The following FNDC3B variants were observed in gnomAD, a reference collection of about 807,000 sequenced individuals.
FNDC3B encodes fibronectin type III domain-containing protein 3B.
FNDC3B carries 12 observed loss-of-function variants against 151.5 expected under a neutral mutation model. The observed-to-expected ratio is 0.08, with a 90% CI of 0.05 to 0.13. The LOEUF (loss-of-function observed/expected upper bound fraction) is 0.13. FNDC3B is among the 10% of genes least tolerant of loss of function. FNDC3B has a pLI of 1.00. For missense variants in FNDC3B, 1,214 were observed against 1,505.3 expected (o/e 0.81, Z 3.20); for synonymous variants, 528 against 549.0 (o/e 0.96, Z 0.54).
At chr3:172,166,351 G>GT in intron 3 of FNDC3B, among the ~76,000 whole-genome samples, 1 of 152,324 alleles carries the variant, frequency 6.6e-6, no homozygotes, top group African/African-American at 2.4e-5. Flanking sequence ...AAATGAATGA[G>GT]TGATTATTCG....
intron 25 of FNDC3B, among the ~76,000 whole-genome samples, chr3:172,387,700 A>G (rs1233315253): frequency 6.6e-6 from 1 of 152,200 alleles, no homozygotes; most frequent in African/African-American, 2.4e-5. Flanking sequence ...AAATGAACTG[A>G]TAGTCACTTT....
chr3:172,289,236 G>GC (rs1730188240), intron 7 of FNDC3B, among the ~76,000 whole-genome samples: 1 of 152,142 alleles, frequency 6.6e-6, no homozygotes, highest in Admixed American at 6.5e-5. Flanking sequence ...TGCAAAGTCA[G>GC]CAGCCATATT....
chr3:172,205,726 A>C (rs1725390198), intron 3 of FNDC3B, among the ~76,000 whole-genome samples: 1 of 152,276 alleles, frequency 6.6e-6, no homozygotes, highest in African/African-American at 2.4e-5. Context: ...GAAGGTCATC[A>C]AAATCTAAGT....
At chr3:172,337,449 T>A (rs746587581) in intron 16 of FNDC3B, 48 bp downstream of exon 16, 15 of 1,146,134 alleles carry the variant, frequency 1.3e-5, no homozygotes, top group Non-Finnish European at 2.0e-5. Flanking sequence ...GCAAGCTCTG[T>A]TTTCTAATAT....
At chr3:172,168,007 T>C (rs1265490392) in intron 3 of FNDC3B, among the ~76,000 whole-genome samples, 1 of 152,216 alleles carries the variant, frequency 6.6e-6, no homozygotes, top group Non-Finnish European at 1.5e-5. Context: ...AGTGGACATA[T>C]TCCAGTGGTG....
intron 3 of FNDC3B, among the ~76,000 whole-genome samples, chr3:172,194,823 G>A (rs1157413423): frequency 6.6e-6 from 1 of 152,092 alleles, no homozygotes; most frequent in African/African-American, 2.4e-5. Flanking sequence ...CTCAACTCTG[G>A]TGGGTAACCT....
Position 172,199,260 on chromosome 3 carries a change from G to A in FNDC3B, c.188-27611G>A, listed in dbSNP as rs1217844464. On this transcript the variant is annotated intron_variant, in intron 3 of 25. Transcript: ENST00000415807. ...AGTGGCGCGATCTCGGCTCTCTGCAGGCTCCGCCTCCCGGGTTCACGCCAT... is the reference window on the plus strand; with the variant it reads ...AGTGGCGCGATCTCGGCTCTCTGCAAGCTCCGCCTCCCGGGTTCACGCCAT... Among the ~76,000 whole-genome samples, 14 of 151,152 alleles carry A rather than the reference G, an allele frequency of 9.3e-5. No individual in the cohort carries two copies. In the South Asian group the frequency reaches 1.7e-3, roughly 18 times the overall value.
intron 11 of FNDC3B, among the ~76,000 whole-genome samples, chr3:172,314,317 G>A (rs1731669938): frequency 6.6e-6 from 1 of 152,066 alleles, no homozygotes; most frequent in East Asian, 1.9e-4. Flanking sequence ...AACTTAGATT[G>A]CAGAAAGTTT....
In FNDC3B at chr3:172,143,908, A is replaced by AAAATAAATAAAT. The variant is rs60080346; in HGVS notation, c.187+10396_187+10407dup. 4.0e-3 allele frequency among the ~76,000 whole-genome samples: 565 copies of AAAATAAATAAAT among 142,036 alleles called. 2 individuals are homozygous for AAAATAAATAAAT. Among genetic ancestry groups the AAAATAAATAAAT allele is most frequent in the South Asian group, 7.7e-3 (33 of 4,296 alleles). The allele number at this position is 142,036 out of a possible 152,430, so 93.2% of individuals were successfully genotyped here. On this transcript the variant is annotated intron_variant, in intron 3 of 25. Coordinates refer to ENST00000415807, the MANE Select transcript of FNDC3B (RefSeq NM_022763.4). ...TGGTGACAGAGTGAGCCTCCATCTC[A>AAAATAAATAAAT]AAATAAATAAATAAATAAATAAATA...
At chr3:172,105,677 T>A (rs1719612322) in intron 1 of FNDC3B, among the ~76,000 whole-genome samples, 1 of 151,030 alleles carries the variant, frequency 6.6e-6, no homozygotes, top group Non-Finnish European at 1.5e-5. Flanking sequence ...GGCCTCGAAC[T>A]TCGGAGCTCA....
chr3:172,112,677 T>C, intron 2 of FNDC3B, 87 bp downstream of exon 2: 5 of 944,962 alleles, frequency 5.3e-6, no homozygotes, highest in South Asian at 2.6e-5. Flanking sequence ...GATTCAAAGG[T>C]TTGTGATTTC....
intron 3 of FNDC3B, among the ~76,000 whole-genome samples, chr3:172,137,067 A>T (rs1436295833): frequency 2.6e-5 from 4 of 152,162 alleles, no homozygotes. Context: ...TTTTGAAGTC[A>T]TACCCATTGA....
At position 172,335,095 on chromosome 3, in the gene FNDC3B, G is replaced by C; in HGVS notation, c.1780+13G>C. On this transcript the variant is annotated intron_variant, in intron 15 of 25. Coordinates refer to ENST00000415807, the MANE Select transcript of FNDC3B (RefSeq NM_022763.4). ...AGTGTCAAATGGGGTATGTTTTGCT[G>C]CTGCTGCTACTGTTTTTTTTTTTTT... 6.5e-7 allele frequency: 1 copy of C among 1,535,264 alleles called. No individual in the cohort carries two copies. The highest frequency in any genetic ancestry group is 8.7e-7 in the Non-Finnish European group (1 of 1,146,272).
chr3:172,176,538 C>T (rs1227397002), intron 3 of FNDC3B, among the ~76,000 whole-genome samples: 1 of 152,142 alleles, frequency 6.6e-6, no homozygotes, highest in Non-Finnish European at 1.5e-5. Context: ...CTGCAGATTT[C>T]ATGTACAGGA....
chr3:172,192,455 G>T (rs936362559), intron 3 of FNDC3B, among the ~76,000 whole-genome samples: 1 of 152,010 alleles, frequency 6.6e-6, no homozygotes, highest in African/African-American at 2.4e-5. Context: ...AAAGTGCTAG[G>T]ATTACAGGTG....
Position 172,188,556 on chromosome 3 carries a change from C to T in FNDC3B, c.188-38315C>T, listed in dbSNP as rs554091902. 5.9e-5 allele frequency among the ~76,000 whole-genome samples: 9 copies of T among 152,192 alleles called. No individual in the cohort carries two copies. In the South Asian group the frequency reaches 1.7e-3, roughly 28 times the overall value. On this transcript the variant is annotated intron_variant, in intron 3 of 25. Transcript: ENST00000415807. Reference sequence around the variant, plus strand: ...GAGTAGCTGGGACTTCAGGCGGGTGCCACCACGCCCGGCTAATTTTTTGTA... The same window carrying T: ...GAGTAGCTGGGACTTCAGGCGGGTGTCACCACGCCCGGCTAATTTTTTGTA...
intron 1 of FNDC3B, among the ~76,000 whole-genome samples, chr3:172,097,715 G>A (rs1441774819): frequency 6.6e-6 from 1 of 152,054 alleles, no homozygotes; most frequent in Non-Finnish European, 1.5e-5. Context: ...TGTGTAAATT[G>A]CACTAAGCAT....
intron 1 of FNDC3B, among the ~76,000 whole-genome samples, chr3:172,063,439 C>T (rs542095017): frequency 6.6e-6 from 1 of 152,178 alleles, no homozygotes; most frequent in Non-Finnish European, 1.5e-5. Context: ...ATTCTGTCAA[C>T]GTTTACTTCT....
At chr3:172,330,438 T>A in intron 12 of FNDC3B, 103 bp from the exon 13 acceptor site, 2 of 1,011,548 alleles carry the variant, frequency 2.0e-6, no homozygotes, top group Non-Finnish European at 1.5e-6. Flanking sequence ...TTACTCTACC[T>A]GCTAGGCTGA....
Sources: gnomAD v4.1 joint callset for allele counts (sites outside exome capture counted in the v4.1 genomes callset) on GRCh38, gnomAD v4.1.1 for gene constraint, MANE v1.5 for transcripts, NCBI Gene and HGNC (gene_info 2026-07-23, HGNC 2026-07-21) for gene names.